Variants in PCM1 observed in about 807,000 individuals in gnomAD.
The protein encoded by PCM1 is pericentriolar material 1 protein.
Under a neutral mutation model 241.9 loss-of-function variants are expected in PCM1, and 157 were observed. That is an observed-to-expected ratio of 0.65 (90% confidence interval 0.57 to 0.74). The LOEUF is 0.74. Among genes scored for constraint, PCM1 ranks in the 30% least tolerant of loss-of-function variants. The pLI is 0.00. For synonymous variants in PCM1, 1,085 were observed against 784.9 expected, an observed-to-expected ratio of 1.38 and a Z score of -6.39; for missense variants, 3,478 against 2,360.1, an observed-to-expected ratio of 1.47 and a Z score of -9.81.
intron 2 of PCM1, chr8:17,928,103 A>T (rs547379250): frequency 6.6e-6 from 1 of 152,178 alleles, no homozygotes; most frequent in South Asian, 2.1e-4. Flanking sequence ...ACTGTCATCA[A>T]TCACTTCTAC....
rs1484169187 is a variant in PCM1, at chr8:17,972,411, T to C, written c.3667T>C (p.Phe1223Leu). The C allele has an allele frequency of 2.5e-6, 4 of 1,610,856 alleles. No individual in the cohort carries two copies. The highest frequency in any genetic ancestry group is 4.5e-5 in the East Asian group (2 of 44,846). The change falls in exon 23 of 39, where the codon TTT becomes CTT. Residue 1223 changes from phenylalanine to leucine, a missense_variant. Physicochemically the swap from Phe to Leu is conservative, Grantham distance 22. Coordinates refer to ENST00000325083, the MANE Select transcript of PCM1 (RefSeq NM_006197.4). Reference protein sequence around the residue: ...YEQEGEVEKPFIKTGFSVSVE... With the variant: ...YEQEGEVEKPLIKTGFSVSVE... ...ACAAGAAGGTGAAGTAGAGAAACCA[T>C]TTATCAAGACTGGATTTTCAGTGTC...
At chr8:17,957,888 A>C (rs1228394394) in intron 13 of PCM1, 113 bp downstream of exon 13, 1 of 704,472 alleles carries the variant, frequency 1.4e-6, no homozygotes, top group Non-Finnish European at 2.3e-6. Context: ...TTTATGTATC[A>C]TATGTGAGGT....
Position 17,953,120 on chromosome 8 carries a change from C to A in PCM1, c.1222C>A (p.Gln408Lys). 1.3e-6 allele frequency: 2 copies of A among 1,595,880 alleles called. No individual in the cohort carries two copies. The highest frequency in any genetic ancestry group is 1.3e-5 in the African/African-American group (1 of 74,640). ...AATGAGAGTGCTACAGGAAAAGAAA[C>A]AAAAAATGGACAAATTGCTTGGAGA... ...SKMRVLQEKK[Q>K]KMDKLLGELH... The change falls in exon 9 of 39, where the codon CAA becomes AAA. Residue 408 changes from glutamine to lysine, a missense_variant. Transcript: ENST00000325083.
intron 3 of PCM1, 106 bp downstream of exon 3, chr8:17,935,812 G>A (rs556877581): frequency 1.6e-6 from 1 of 610,944 alleles, no homozygotes; most frequent in African/African-American, 1.8e-5. Context: ...TACACTTGCT[G>A]GCCAAGACAT....
chr8:17,940,053 T>C, intron 6 of PCM1, 192 bp downstream of exon 6: 1 of 1,570,456 alleles, frequency 6.4e-7, no homozygotes, highest in Non-Finnish European at 8.6e-7. Context: ...CTAGAGAAAA[T>C]GAGGAGGAGG....
chr8:17,929,552 C>T (rs538116321), intron 2 of PCM1, among the ~76,000 whole-genome samples: 8 of 152,338 alleles, frequency 5.3e-5, no homozygotes, highest in African/African-American at 1.9e-4. Flanking sequence ...CATCCTCTCT[C>T]AACAAAGAAA....
intron 16 of PCM1, 154 bp from the exon 17 acceptor site, chr8:17,962,947 A>C: frequency 1.7e-6 from 1 of 572,860 alleles, no homozygotes; most frequent in Non-Finnish European, 3.0e-6. Flanking sequence ...TCATAACTAT[A>C]TTATTATTTT....
Position 18,027,865 on chromosome 8 carries a change from T to G in PCM1, c.*203T>G, listed in dbSNP as rs1000864670. ...GATTTAAGCCTTGACACACTGTGTT[T>G]TTTTTTTTTTCCCCCTTCTTTTTTG... On this transcript the variant is annotated 3_prime_UTR_variant, in exon 39 of 39. Transcript: ENST00000325083. 2.6e-5 allele frequency: 10 copies of G among 390,638 alleles called. 1 individual carries two copies. Among genetic ancestry groups the G allele is most frequent in the Middle Eastern group, 1.3e-3 (2 of 1,530 alleles). 24.2% of individuals were successfully genotyped at this position (390,638 alleles called of 1,614,324 possible). A position where few individuals can be genotyped will look rare whatever the true frequency, so the allele number is the denominator to read the frequency against.
intron 29 of PCM1, among the ~76,000 whole-genome samples, chr8:17,997,968 G>A (rs576234890): frequency 4.6e-5 from 7 of 151,616 alleles, no homozygotes; most frequent in East Asian, 1.9e-4. Context: ...CCCGGGAGGC[G>A]GAGGTTGCAG....
rs369908303 is a variant in PCM1 at position 17,957,728 on chromosome 8, G to A, written c.1993G>A (p.Ala665Thr). The A allele has an allele frequency of 8.1e-5, 131 of 1,613,488 alleles. No homozygotes were observed. The highest frequency in any genetic ancestry group is 2.0e-4 in the East Asian group (9 of 44,884). The change falls in exon 13 of 39, where the codon GCA (alanine) becomes ACA (threonine). Residue 665 changes from alanine (A) to threonine (T), a missense_variant. By Grantham distance (58) the Ala-to-Thr change is moderately conservative (BLOSUM62 0). Transcript: ENST00000325083. ...FEQKINRLMA[A>T]KQKLRQLQDL... is the part of the protein sequence containing the mutation. ...ACAGAAGATCAACCGACTTATGGCT[G>A]CAAAACAGAAACTTAGACAGTTACA...
At chr8:17,952,289 A>T (rs1271044339) in intron 8 of PCM1, among the ~76,000 whole-genome samples, 1 of 151,986 alleles carries the variant, frequency 6.6e-6, no homozygotes, top group Admixed American at 6.6e-5. Context: ...GTGGTGGGAA[A>T]AATTGATAGG....
chr8:18,017,550 T>A (rs1220695336), intron 36 of PCM1, among the ~76,000 whole-genome samples: 1 of 152,182 alleles, frequency 6.6e-6, no homozygotes, highest in Non-Finnish European at 1.5e-5. Flanking sequence ...TATTTCCTCA[T>A]TAGATGAAGT....
In PCM1 at chr8:17,934,125, C is replaced by T. The variant is rs2299586; in HGVS notation, c.-22-1464C>T. ...GTTATTCTAATAGATATTCTAGCAT[C>T]AAAACATCTGTGGGACAAATTCTAC... On this transcript the variant is annotated intron_variant, in intron 2 of 38. Transcript: ENST00000325083. 7.5e-3 allele frequency among the ~76,000 whole-genome samples: 1,142 copies of T among 151,976 alleles called. 11 individuals carry two copies. Among genetic ancestry groups the T allele is most frequent in the African/African-American group, 0.026 (1,098 of 41,462 alleles).
In PCM1 at chr8:18,028,193, G is replaced by C; in HGVS notation, c.*531G>C. The stretch of plus-strand genomic sequence containing the variant: ...ACCTGCAGGTCCTATTCCTGTGCAA[G>C]AATAGGGCAGATTATCAAGATATCC... On this transcript the variant is annotated 3_prime_UTR_variant, in exon 39 of 39. Coordinates refer to ENST00000325083, the MANE Select transcript of PCM1 (RefSeq NM_006197.4). 5.2e-6 allele frequency: 1 copy of C among 191,470 alleles called. No homozygotes were observed. The highest frequency in any genetic ancestry group is 8.4e-5 in the East Asian group (1 of 11,922). 11.9% of individuals were successfully genotyped at this position (191,470 alleles called of 1,614,324 possible).
At position 17,956,643 on chromosome 8, in the gene PCM1, A is replaced by G; in HGVS notation, c.1512A>G (p.Arg504=). 1 of 1,600,560 alleles carries G rather than the reference A, an allele frequency of 6.2e-7. No homozygotes were observed. The highest frequency in any genetic ancestry group is 8.5e-7 in the Non-Finnish European group (1 of 1,171,334). The change falls in exon 11 of 39, where the codon AGA becomes AGG. Residue 504 remains arginine, a synonymous_variant. Coordinates refer to ENST00000325083, the MANE Select transcript of PCM1 (RefSeq NM_006197.4). ...NEVRKRLNEL[R]ELVHYYEQTS... ...TTCGAAAGAGATTGAATGAGCTAAG[A>G]GAATTAGTTCATTATTATGAACAAA...
At chr8:17,968,989 A>G (rs1294480923) in intron 21 of PCM1, among the ~76,000 whole-genome samples, 1 of 151,656 alleles carries the variant, frequency 6.6e-6, no homozygotes, top group African/African-American at 2.4e-5. Context: ...CATTCTTCTT[A>G]ACAGTACAAT....
intron 6 of PCM1, among the ~76,000 whole-genome samples, chr8:17,945,365 C>T (rs1272707823): frequency 6.6e-6 from 1 of 152,038 alleles, no homozygotes; most frequent in Non-Finnish European, 1.5e-5. Flanking sequence ...TTCAAGACAA[C>T]AGAAAAACCT....
intron 29 of PCM1, among the ~76,000 whole-genome samples, chr8:17,997,398 C>T (rs1252221961): frequency 2.0e-5 from 3 of 152,156 alleles, no homozygotes; most frequent in Non-Finnish European, 2.9e-5. Flanking sequence ...TCCTGGTTTT[C>T]TGTAACCTTC....
At chr8:17,991,254 A>G (rs1450631710) in intron 27 of PCM1, among the ~76,000 whole-genome samples, 1 of 152,210 alleles carries the variant, frequency 6.6e-6, no homozygotes, top group Non-Finnish European at 1.5e-5. Flanking sequence ...TCAGAGTTTG[A>G]TAACTAAGTT....
Sources: gnomAD v4.1 joint callset for allele counts (sites outside exome capture counted in the v4.1 genomes callset) on GRCh38, gnomAD v4.1.1 for gene constraint, MANE v1.5 for transcripts, NCBI Gene and HGNC (gene_info 2026-07-23, HGNC 2026-07-21) for gene names.